GRIA4: variants seen among roughly 807,000 people sequenced by gnomAD.
GRIA4 encodes the protein glutamate ionotropic receptor AMPA type subunit 4, also known as glutamate receptor 4.
GRIA4 carries 34 observed loss-of-function variants against 104.0 expected under a neutral mutation model. That is an observed-to-expected ratio of 0.33 (90% CI 0.25 to 0.44). The LOEUF (loss-of-function observed/expected upper bound fraction) is 0.44, where lower values mean the gene tolerates loss of function less well. Ranked by LOEUF, GRIA4 falls within the 20% of genes least tolerant of loss-of-function variation. The pLI is 1.00. For synonymous variants in GRIA4, 386 were observed against 381.9 expected (o/e 1.01, Z -0.13); for missense variants, 750 against 1,096.5 (o/e 0.68, Z 4.46).
chr11:105,908,405 G>A (rs969034628), intron 9 of GRIA4, among the ~76,000 whole-genome samples: 1 of 151,968 alleles, frequency 6.6e-6, no homozygotes, highest in Non-Finnish European at 1.5e-5. Context: ...AATGCAAAAC[G>A]CTGTGAAGAC....
At chr11:105,783,521 C>T (rs1197002538) in intron 4 of GRIA4, among the ~76,000 whole-genome samples, 2 of 152,170 alleles carry the variant, frequency 1.3e-5, no homozygotes, top group African/African-American at 4.8e-5. Context: ...GACTCAATAA[C>T]GGTCATCCTA....
chr11:105,845,639 T>A (rs1944558670), intron 4 of GRIA4, among the ~76,000 whole-genome samples: 1 of 152,132 alleles, frequency 6.6e-6, no homozygotes, highest in Non-Finnish European at 1.5e-5. Flanking sequence ...GTCCCAGCAC[T>A]TTGGGAGACC....
Position 105,739,609 on chromosome 11 carries a change from A to G in GRIA4, c.248-13372A>G, listed in dbSNP as rs151290506. Among the ~76,000 whole-genome samples the G allele has an allele frequency of 4.6e-4, 70 of 152,306 alleles. No homozygotes were observed. In the East Asian group the frequency reaches 9.6e-3, roughly 21 times the overall value. ...ATTCTAAGAAAATTAGCATTTACAT[A>G]TTAATAACCTATGATAATGCCTTAA... On this transcript the variant is annotated intron_variant, in intron 3 of 16. Transcript: ENST00000282499.
chr11:105,859,740 AT>A lies in GRIA4; in HGVS notation c.488-2283del, dbSNP rs1157835249. Among the ~76,000 whole-genome samples the A allele has an allele frequency of 3.9e-5, 6 of 152,292 alleles. 1 individual carries two copies. The highest frequency in any genetic ancestry group is 1.4e-4 in the African/African-American group (6 of 41,572). ...TGCAACACTCAAGCAAACAAAAAAA[AT>A]CTTAGCATTATTCTGGTATGATGAT... is the stretch of plus-strand genomic sequence containing the variant. On this transcript the variant is annotated intron_variant, in intron 4 of 16. Coordinates refer to ENST00000282499, the MANE Select transcript of GRIA4 (RefSeq NM_000829.4).
intron 3 of GRIA4, among the ~76,000 whole-genome samples, chr11:105,725,558 A>G (rs1021692258): frequency 3.9e-5 from 6 of 152,158 alleles, no homozygotes; most frequent in Non-Finnish European, 8.8e-5. Flanking sequence ...GGGGAAACTA[A>G]TATAAAGAAT....
At chr11:105,972,101 T>A (rs1167274377) in intron 15 of GRIA4, 73 bp downstream of exon 15, 3 of 884,978 alleles carry the variant, frequency 3.4e-6, no homozygotes, top group African/African-American at 3.3e-5. Context: ...CAAAAGTATA[T>A]GGAAACCATA....
intron 3 of GRIA4, among the ~76,000 whole-genome samples, chr11:105,751,819 C>T (rs1457198167): frequency 6.6e-6 from 1 of 152,152 alleles, no homozygotes; most frequent in Non-Finnish European, 1.5e-5. Flanking sequence ...TAGCATAGCA[C>T]TTTTACATAA....
At chr11:105,856,372 A>G (rs145383838) in intron 4 of GRIA4, among the ~76,000 whole-genome samples, 247 of 152,304 alleles carry the variant, frequency 1.6e-3, no homozygotes, top group Non-Finnish European at 2.6e-3. Context: ...CTCTTTCCAC[A>G]GCCCATGCCA....
intron 3 of GRIA4, among the ~76,000 whole-genome samples, chr11:105,700,712 C>T (rs1471890998): frequency 6.6e-6 from 1 of 152,130 alleles, no homozygotes; most frequent in Non-Finnish European, 1.5e-5. Flanking sequence ...GTCAGGTCTA[C>T]TTTGAAACTC....
intron 14 of GRIA4, among the ~76,000 whole-genome samples, chr11:105,964,980 T>C (rs1423228448): frequency 1.3e-5 from 2 of 152,132 alleles, no homozygotes; most frequent in Non-Finnish European, 2.9e-5. Context: ...CTAATTTTTG[T>C]ATTTTTTGTA....
intron 14 of GRIA4, among the ~76,000 whole-genome samples, chr11:105,942,486 C>T (rs1948206573): frequency 1.3e-5 from 2 of 152,054 alleles, no homozygotes; most frequent in South Asian, 2.1e-4. Context: ...ATATTTTTCA[C>T]ATGGTATGTT....
intron 3 of GRIA4, chr11:105,613,769 G>A (rs1950534952): frequency 6.6e-6 from 1 of 152,036 alleles, no homozygotes. Flanking sequence ...TGAAGCATAT[G>A]TCACTTTTGC....
At chr11:105,708,670 A>C (rs886401138) in intron 3 of GRIA4, among the ~76,000 whole-genome samples, 17 of 152,048 alleles carry the variant, frequency 1.1e-4, no homozygotes, top group Non-Finnish European at 2.1e-4. Context: ...TAACTACTTT[A>C]TATGTATACC....
intron 10 of GRIA4, chr11:105,913,159 C>T (rs1052920614): frequency 4.3e-6 from 2 of 461,116 alleles, no homozygotes; most frequent in Non-Finnish European, 5.7e-6. Flanking sequence ...AGGCACAGTT[C>T]TAGGCCCTGG....
intron 16 of GRIA4, 173 bp downstream of exon 16, chr11:105,974,617 A>G (rs1858879725): frequency 3.9e-6 from 6 of 1,527,476 alleles, no homozygotes; most frequent in Non-Finnish European, 5.4e-6. Context: ...CAGTGTTGTG[A>G]CCTGTCTGTC....
At chr11:105,915,271 T>A (rs1947367230) in intron 10 of GRIA4, among the ~76,000 whole-genome samples, 1 of 152,176 alleles carries the variant, frequency 6.6e-6, no homozygotes, top group South Asian at 2.1e-4. Context: ...TGCCCCTGGA[T>A]AGGCAAAAAG....
chr11:105,765,166 C>A (rs901375547), intron 4 of GRIA4, among the ~76,000 whole-genome samples: 5 of 152,096 alleles, frequency 3.3e-5, no homozygotes, highest in Admixed American at 3.3e-4. Flanking sequence ...CAAACAGCAG[C>A]CCAACTTAGC....
chr11:105,792,384 G>C (rs1043479050), intron 4 of GRIA4, among the ~76,000 whole-genome samples: 2 of 152,204 alleles, frequency 1.3e-5, no homozygotes, highest in South Asian at 4.1e-4. Context: ...GAGTTCCAGT[G>C]AGAGAGGTAC....
chr11:105,764,792 A>G (rs1940852975), intron 4 of GRIA4, among the ~76,000 whole-genome samples: 1 of 146,964 alleles, frequency 6.8e-6, no homozygotes, highest in African/African-American at 2.6e-5. Context: ...ATAAAAATAA[A>G]CAGGAAAAAA....
Sources: allele counts gnomAD v4.1 joint callset (sites outside exome capture counted in the v4.1 genomes callset), GRCh38; gene constraint gnomAD v4.1.1; transcripts MANE v1.5; gene names NCBI Gene and HGNC (gene_info 2026-07-23, HGNC 2026-07-21).